CNTNAP2: variants seen among roughly 807,000 people sequenced by gnomAD.
The protein encoded by CNTNAP2 is contactin-associated protein-like 2.
A neutral mutation model predicts 155.2 loss-of-function variants in CNTNAP2; 98 were observed. That is an observed-to-expected ratio of 0.63 (90% CI 0.54 to 0.75). The LOEUF is 0.75. Ranked by LOEUF, CNTNAP2 falls within the 30% of genes least tolerant of loss-of-function variation. The pLI, the probability that CNTNAP2 is intolerant of heterozygous loss-of-function variation, is 0.00. For synonymous variants in CNTNAP2, 651 were observed against 631.2 expected (o/e 1.03, Z -0.47); for missense variants, 1,727 against 1,688.1 (o/e 1.02, Z -0.40).
intron 18 of CNTNAP2, among the ~76,000 whole-genome samples, chr7:148,202,968 T>G (rs927905413): frequency 2.6e-5 from 4 of 152,202 alleles, no homozygotes; most frequent in African/African-American, 4.8e-5. Flanking sequence ...GTATAATAAC[T>G]TTGATGACAA....
chr7:146,726,651 A>G (rs73457259), intron 1 of CNTNAP2, among the ~76,000 whole-genome samples: 11,811 of 152,202 alleles, frequency 0.078, 1,221 homozygotes, highest in African/African-American at 0.24. Context: ...GCAATTAAAT[A>G]AATGCCAACA....
intron 13 of CNTNAP2, among the ~76,000 whole-genome samples, chr7:147,728,388 AAG>A (rs1796681040): frequency 6.6e-6 from 1 of 152,064 alleles, no homozygotes; most frequent in Non-Finnish European, 1.5e-5. Flanking sequence ...ATTTTGGAAA[AAG>A]AGGATTTTTA....
chr7:148,204,560 T>C (rs1020714409), intron 18 of CNTNAP2, among the ~76,000 whole-genome samples: 27 of 152,176 alleles, frequency 1.8e-4, no homozygotes, highest in African/African-American at 6.5e-4. Context: ...TCAAAAGTAA[T>C]AGGGCTTTTG....
intron 1 of CNTNAP2, among the ~76,000 whole-genome samples, chr7:146,664,580 T>C (rs1489168422): frequency 6.6e-6 from 1 of 152,252 alleles, no homozygotes; most frequent in African/African-American, 2.4e-5. Flanking sequence ...TTTGTATTCA[T>C]ATTCATGAAA....
At chr7:148,353,559 T>G (rs1014460447) in intron 21 of CNTNAP2, among the ~76,000 whole-genome samples, 2 of 152,184 alleles carry the variant, frequency 1.3e-5, no homozygotes, top group African/African-American at 4.8e-5. Context: ...CTTATACAAG[T>G]GACAGTAATA....
chr7:147,859,335 A>G (rs1407579706), intron 13 of CNTNAP2, among the ~76,000 whole-genome samples: 2 of 151,888 alleles, frequency 1.3e-5, no homozygotes, highest in African/African-American at 4.8e-5. Context: ...CACCAAGGAG[A>G]GAAAAAAGCC....
chr7:148,002,250 G>A (rs990917699), intron 15 of CNTNAP2, among the ~76,000 whole-genome samples: 1 of 151,922 alleles, frequency 6.6e-6, no homozygotes, highest in Non-Finnish European at 1.5e-5. Context: ...TTTCATGGTA[G>A]GAAGATGATA....
At chr7:148,008,093 G>A (rs1379518302) in intron 15 of CNTNAP2, among the ~76,000 whole-genome samples, 3 of 152,082 alleles carry the variant, frequency 2.0e-5, no homozygotes, top group African/African-American at 2.4e-5. Flanking sequence ...GCCGGGCACA[G>A]TGGCTCATGC....
chr7:146,804,321 C>A (rs1330724265), intron 2 of CNTNAP2, among the ~76,000 whole-genome samples: 2 of 152,084 alleles, frequency 1.3e-5, no homozygotes, highest in Non-Finnish European at 2.9e-5. Flanking sequence ...TGATCATGCT[C>A]ATTTATAAAT....
intron 15 of CNTNAP2, among the ~76,000 whole-genome samples, chr7:148,064,494 G>A (rs1803216534): frequency 6.6e-6 from 1 of 151,842 alleles, no homozygotes; most frequent in African/African-American, 2.4e-5. Flanking sequence ...GTTCACTAAG[G>A]ATATGATTGT....
At chr7:146,846,123 C>T (rs1445463595) in intron 3 of CNTNAP2, among the ~76,000 whole-genome samples, 1 of 152,120 alleles carries the variant, frequency 6.6e-6, no homozygotes, top group African/African-American at 2.4e-5. Context: ...CATCCTGTCG[C>T]CTGCCCCTAC....
chr7:147,576,559 A>G (rs1800399929), intron 12 of CNTNAP2, among the ~76,000 whole-genome samples: 2 of 152,102 alleles, frequency 1.3e-5, no homozygotes, highest in Admixed American at 6.6e-5. Context: ...TAATGACTGA[A>G]AAAGATCTAT....
At chr7:147,235,209 C>CA (rs1803771321) in intron 8 of CNTNAP2, among the ~76,000 whole-genome samples, 2 of 152,040 alleles carry the variant, frequency 1.3e-5, no homozygotes. Context: ...TCTTTGGACT[C>CA]AAACTAGTAT....
chr7:146,117,579 G>A (rs184560187), intron 1 of CNTNAP2, among the ~76,000 whole-genome samples: 9 of 152,222 alleles, frequency 5.9e-5, no homozygotes, highest in Non-Finnish European at 8.8e-5. Flanking sequence ...GATGCAGTAC[G>A]GTACTTGGGA....
intron 21 of CNTNAP2, among the ~76,000 whole-genome samples, chr7:148,315,732 T>C (rs532824697): frequency 3.6e-4 from 55 of 152,368 alleles, no homozygotes; most frequent in African/African-American, 1.3e-3. Flanking sequence ...CTTTCTAGCC[T>C]AATGAGAATG....
chr7:146,264,831 G>A (rs1229440458), intron 1 of CNTNAP2, among the ~76,000 whole-genome samples: 2 of 152,308 alleles, frequency 1.3e-5, no homozygotes, highest in African/African-American at 2.4e-5. Context: ...TAGGGGGATC[G>A]CAGCCTATGA....
intron 13 of CNTNAP2, among the ~76,000 whole-genome samples, chr7:147,729,826 C>T (rs1411647181): frequency 6.6e-6 from 1 of 151,908 alleles, no homozygotes; most frequent in Non-Finnish European, 1.5e-5. Context: ...GATTCTGGCA[C>T]CATTATAGAA....
At chr7:146,701,961 C>T (rs1313227433) in intron 1 of CNTNAP2, among the ~76,000 whole-genome samples, 2 of 152,038 alleles carry the variant, frequency 1.3e-5, no homozygotes, top group Non-Finnish European at 2.9e-5. Flanking sequence ...GAAGTTACAA[C>T]AATGAGGAAG....
chr7:146,690,078 G>A (rs1800670602), intron 1 of CNTNAP2, among the ~76,000 whole-genome samples: 1 of 151,688 alleles, frequency 6.6e-6, no homozygotes, highest in Admixed American at 6.6e-5. Context: ...TAAATTTGAT[G>A]AGTCTTCCAT....
Sources: allele counts gnomAD v4.1 joint callset (sites outside exome capture counted in the v4.1 genomes callset), GRCh38; gene constraint gnomAD v4.1.1; transcripts MANE v1.5; gene names NCBI Gene and HGNC (gene_info 2026-07-23, HGNC 2026-07-21).